The following ZNF804B variants were observed in gnomAD, a reference collection of about 807,000 sequenced individuals.
ZNF804B encodes zinc finger 804B.
A neutral mutation model predicts 101.4 loss-of-function variants in ZNF804B; 80 were observed. The observed-to-expected ratio is 0.79, with a 90% CI of 0.66 to 0.95. ZNF804B has a LOEUF of 0.95. ZNF804B is among the 40% of genes least tolerant of loss of function. ZNF804B has a pLI of 0.00. For synonymous variants in ZNF804B, 622 were observed against 558.8 expected (o/e 1.11, Z -1.59); for missense variants, 1,673 against 1,561.9 (o/e 1.07, Z -1.20).
intron 1 of ZNF804B, among the ~76,000 whole-genome samples, chr7:88,854,422 T>TCTTTCTTCCTTTCTTC (rs1554340161): frequency 2.0e-5 from 2 of 100,832 alleles, no homozygotes; most frequent in African/African-American, 8.3e-5. Flanking sequence ...TTCCTTTCTT[T>TCTTTCTTCCTTTCTTC]CTTTCTTTCT....
intron 1 of ZNF804B, among the ~76,000 whole-genome samples, chr7:89,103,065 T>G (rs1206866076): frequency 4.3e-5 from 6 of 139,602 alleles, no homozygotes; most frequent in Non-Finnish European, 6.2e-5. Flanking sequence ...TTTTTTTTTT[T>G]TTTTTTTTTT....
intron 1 of ZNF804B, among the ~76,000 whole-genome samples, chr7:88,780,773 A>G (rs41344250): frequency 0.012 from 1,779 of 152,272 alleles, 20 homozygotes; most frequent in African/African-American, 0.035. Flanking sequence ...TGTAAATTCA[A>G]AAGTGAAGCA....
At chr7:88,789,889 G>T (rs956240470) in intron 1 of ZNF804B, among the ~76,000 whole-genome samples, 7 of 152,000 alleles carry the variant, frequency 4.6e-5, no homozygotes, top group Admixed American at 3.9e-4. Context: ...CTCCATGAAG[G>T]GATCCAGATG....
intron 1 of ZNF804B, among the ~76,000 whole-genome samples, chr7:89,019,405 T>C (rs1209852476): frequency 6.6e-6 from 1 of 152,090 alleles, no homozygotes; most frequent in African/African-American, 2.4e-5. Context: ...TAACATATGG[T>C]CAAATGTGAA....
intron 1 of ZNF804B, among the ~76,000 whole-genome samples, chr7:89,145,965 A>G (rs1790786069): frequency 6.6e-6 from 1 of 152,080 alleles, no homozygotes; most frequent in Non-Finnish European, 1.5e-5. Context: ...ACTTTCTGGC[A>G]TGATACCAAA....
chr7:89,238,293 A>G (rs1333106477), intron 2 of ZNF804B, among the ~76,000 whole-genome samples: 1 of 152,148 alleles, frequency 6.6e-6, no homozygotes, highest in African/African-American at 2.4e-5. Context: ...GATGAACATA[A>G]TCCCTAAATT....
chr7:88,838,596 A>G (rs1170384135), intron 1 of ZNF804B, among the ~76,000 whole-genome samples: 3 of 151,962 alleles, frequency 2.0e-5, no homozygotes, highest in Admixed American at 6.6e-5. Flanking sequence ...TAACATACTA[A>G]ATATCTTTTA....
At chr7:89,251,277 C>A (rs969392489) in intron 2 of ZNF804B, among the ~76,000 whole-genome samples, 1 of 152,064 alleles carries the variant, frequency 6.6e-6, no homozygotes, top group Non-Finnish European at 1.5e-5. Context: ...CATAAATTAA[C>A]AGCACTTCTA....
chr7:89,033,745 G>C (rs192550857), intron 1 of ZNF804B, among the ~76,000 whole-genome samples: 59 of 151,416 alleles, frequency 3.9e-4, no homozygotes, highest in Non-Finnish European at 6.6e-4. Flanking sequence ...AATATGAAAG[G>C]AAATATTGTT....
At chr7:89,087,045 T>A (rs937295289) in intron 1 of ZNF804B, among the ~76,000 whole-genome samples, 1 of 105,322 alleles carries the variant, frequency 9.5e-6, no homozygotes, top group African/African-American at 3.9e-5. Flanking sequence ...CATAATAACT[T>A]TTTTTAAATT....
intron 1 of ZNF804B, among the ~76,000 whole-genome samples, chr7:88,979,948 CCTGT>C (rs915797922): frequency 8.6e-5 from 13 of 150,400 alleles, no homozygotes; most frequent in Admixed American, 6.0e-4. Flanking sequence ...TTTTAAATAC[CCTGT>C]CTTTCAGCTC....
intron 1 of ZNF804B, among the ~76,000 whole-genome samples, chr7:89,053,354 G>C (rs1463656897): frequency 6.6e-6 from 1 of 151,868 alleles, no homozygotes; most frequent in Admixed American, 6.6e-5. Flanking sequence ...TTTACCTCAG[G>C]TGCTTTCATT....
At chr7:89,020,664 C>T (rs374707221) in intron 1 of ZNF804B, among the ~76,000 whole-genome samples, 1 of 152,080 alleles carries the variant, frequency 6.6e-6, no homozygotes, top group African/African-American at 2.4e-5. Flanking sequence ...TACCTTTTCA[C>T]TTATTTTCTT....
At chr7:88,911,312 G>T (rs957565766) in intron 1 of ZNF804B, among the ~76,000 whole-genome samples, 9 of 151,404 alleles carry the variant, frequency 5.9e-5, no homozygotes, top group African/African-American at 2.2e-4. Flanking sequence ...GTGTATGAAT[G>T]TTTCTTACAT....
chr7:89,305,110 T>C (rs1790540701), intron 2 of ZNF804B, among the ~76,000 whole-genome samples: 1 of 151,990 alleles, frequency 6.6e-6, no homozygotes, highest in Non-Finnish European at 1.5e-5. Flanking sequence ...ATTTATGTCA[T>C]AGTTTTCTTG....
At chr7:89,207,749 A>G (rs1281200592) in intron 1 of ZNF804B, among the ~76,000 whole-genome samples, 1 of 151,990 alleles carries the variant, frequency 6.6e-6, no homozygotes, top group Non-Finnish European at 1.5e-5. Context: ...GATAAAAATA[A>G]ATCAATCAAT....
intron 1 of ZNF804B, among the ~76,000 whole-genome samples, chr7:88,762,932 GTT>G (rs1395117109): frequency 6.6e-6 from 1 of 151,998 alleles, no homozygotes; most frequent in Non-Finnish European, 1.5e-5. Flanking sequence ...TATTAGAACT[GTT>G]TGCATGTAGA....
chr7:88,782,364 A>G (rs1007770836), intron 1 of ZNF804B, among the ~76,000 whole-genome samples: 1 of 152,120 alleles, frequency 6.6e-6, no homozygotes, highest in East Asian at 1.9e-4. Context: ...ACTGTTAAAC[A>G]CTGATAGTTA....
intron 1 of ZNF804B, among the ~76,000 whole-genome samples, chr7:88,820,389 T>A (rs575827171): frequency 1.3e-5 from 2 of 152,122 alleles, no homozygotes; most frequent in African/African-American, 4.8e-5. Context: ...AGGGTTCAGG[T>A]GTTCCAGTGA....
Sources: gnomAD v4.1 joint callset for allele counts (sites outside exome capture counted in the v4.1 genomes callset) on GRCh38, gnomAD v4.1.1 for gene constraint, MANE v1.5 for transcripts, NCBI Gene and HGNC (gene_info 2026-07-23, HGNC 2026-07-21) for gene names.